The following HSD17B3 variants were observed in gnomAD, a reference collection of about 807,000 sequenced individuals.
The protein encoded by HSD17B3 is hydroxysteroid 17-beta dehydrogenase 3.
HSD17B3 carries 29 observed loss-of-function variants against 41.1 expected under a neutral mutation model. The ratio of observed to expected loss-of-function variants is 0.71; its 90% confidence interval spans 0.53 to 0.96. HSD17B3 has a LOEUF of 0.96. Ranked by LOEUF, HSD17B3 falls within the 40% of genes least tolerant of loss-of-function variation. The pLI, the probability that HSD17B3 is intolerant of heterozygous loss-of-function variation, is 0.00. For missense variants in HSD17B3, 323 were observed against 374.6 expected (o/e 0.86, Z 1.14); for synonymous variants, 126 against 145.6 (o/e 0.87, Z 0.97).
intron 2 of HSD17B3, among the ~76,000 whole-genome samples, chr9:96,257,686 T>C (rs1402586022): frequency 6.6e-6 from 1 of 152,234 alleles, no homozygotes; most frequent in African/African-American, 2.4e-5. Context: ...GAATGAGCAC[T>C]TAGGGTGTTT....
At chr9:96,242,302 G>C (rs560575654) in intron 9 of HSD17B3, among the ~76,000 whole-genome samples, 1 of 152,268 alleles carries the variant, frequency 6.6e-6, no homozygotes, top group East Asian at 1.9e-4. Flanking sequence ...AAGTGATTTT[G>C]GGTTGACAAA....
Position 96,245,399 on chromosome 9 carries a change from A to C in HSD17B3, c.552T>G (p.Ser184=). Residue 184 remains serine (S), a synonymous_variant, in exon 8 of 11, where the codon TCT becomes TCG. Transcript: ENST00000375263. ...GCCAAGGAAACAGGGCTATCCCAGA[A>C]GAAATGTTCAGGATGAGACCTTTCT... The part of the protein sequence containing the change: ...SRQKGLILNI[S]SGIALFPWPL... 6.2e-7 allele frequency: 1 copy of C among 1,614,162 alleles called. No individual in the cohort carries two copies. Among genetic ancestry groups the C allele is most frequent in the Non-Finnish European group, 8.5e-7 (1 of 1,179,988 alleles).
chr9:96,296,990 G>A (rs1235804067), intron 2 of HSD17B3, among the ~76,000 whole-genome samples: 2 of 151,082 alleles, frequency 1.3e-5, no homozygotes, highest in African/African-American at 4.9e-5. Context: ...AGCAGTGTTT[G>A]TACCACTGCA....
intron 5 of HSD17B3, 149 bp downstream of exon 5, chr9:96,251,269 G>A: frequency 1.5e-6 from 1 of 663,596 alleles, no homozygotes; most frequent in South Asian, 1.7e-5. Flanking sequence ...GTGCTAAGGT[G>A]AAGAGGAAAG....
intron 2 of HSD17B3, among the ~76,000 whole-genome samples, chr9:96,285,474 T>C (rs1219002691): frequency 6.6e-6 from 1 of 152,178 alleles, no homozygotes; most frequent in Admixed American, 6.5e-5. Context: ...CTGGGAACAT[T>C]GGAATCAGCT....
At chr9:96,281,119 C>A (rs1278619093) in intron 2 of HSD17B3, among the ~76,000 whole-genome samples, 3 of 152,154 alleles carry the variant, frequency 2.0e-5, no homozygotes, top group Non-Finnish European at 4.4e-5. Flanking sequence ...ACCCAAGAAC[C>A]TTCTCTTGGG....
In HSD17B3 at chr9:96,258,093, G is replaced by A. The variant is rs113905639; in HGVS notation, c.202-3150C>T. 5.3e-5 allele frequency among the ~76,000 whole-genome samples: 8 copies of A among 152,224 alleles called. 2 individuals carry two copies. Among genetic ancestry groups the A allele is most frequent in the African/African-American group, 1.9e-4 (8 of 41,530 alleles). On this transcript the variant is annotated intron_variant, in intron 2 of 10. Coordinates refer to ENST00000375263, the MANE Select transcript of HSD17B3 (RefSeq NM_000197.2). ...TAACTTATCATTTTCTTATCAATTT[G>A]TAGAAGTTGTATATATCCCAGCTAT...
At chr9:96,258,046 C>T (rs1405056813) in intron 2 of HSD17B3, among the ~76,000 whole-genome samples, 1 of 152,142 alleles carries the variant, frequency 6.6e-6, no homozygotes, top group Non-Finnish European at 1.5e-5. Context: ...AGTACATACC[C>T]CTTGCCCATT....
At chr9:96,275,164 C>T (rs754893312) in intron 2 of HSD17B3, among the ~76,000 whole-genome samples, 10 of 151,814 alleles carry the variant, frequency 6.6e-5, no homozygotes, top group Non-Finnish European at 1.3e-4. Flanking sequence ...GGAAAGATAA[C>T]GTGTTTCCCA....
At chr9:96,299,112 C>G (rs747639240) in intron 1 of HSD17B3, among the ~76,000 whole-genome samples, 2 of 152,202 alleles carry the variant, frequency 1.3e-5, no homozygotes, top group Admixed American at 6.5e-5. Context: ...ATCAACATTA[C>G]AGACATATTT....
At chr9:96,277,326 G>A (rs924281202) in intron 2 of HSD17B3, among the ~76,000 whole-genome samples, 1 of 152,142 alleles carries the variant, frequency 6.6e-6, no homozygotes, top group African/African-American at 2.4e-5. Flanking sequence ...TCTGATAAAG[G>A]ATTGATATTC....
chr9:96,257,656 G>T (rs1022055342), intron 2 of HSD17B3, among the ~76,000 whole-genome samples: 2 of 152,058 alleles, frequency 1.3e-5, no homozygotes, highest in Non-Finnish European at 2.9e-5. Flanking sequence ...TTGCTCCATG[G>T]TATTCTAGAG....
chr9:96,300,637 G>A (rs1326450761), intron 1 of HSD17B3, among the ~76,000 whole-genome samples: 2 of 97,920 alleles, frequency 2.0e-5, no homozygotes, highest in Middle Eastern at 4.6e-3. Context: ...GTGTGTGTGT[G>A]TCCAAATTTG....
At chr9:96,268,936 G>A (rs752319201) in intron 2 of HSD17B3, among the ~76,000 whole-genome samples, 11 of 151,938 alleles carry the variant, frequency 7.2e-5, no homozygotes, top group Admixed American at 1.3e-4. Flanking sequence ...GCAACAGAGC[G>A]AAACTCCATC....
At chr9:96,274,580 C>T (rs1489364222) in intron 2 of HSD17B3, among the ~76,000 whole-genome samples, 1 of 152,086 alleles carries the variant, frequency 6.6e-6, no homozygotes, top group Non-Finnish European at 1.5e-5. Context: ...AGAAATTATG[C>T]AGCTGAAGAA....
intron 10 of HSD17B3, among the ~76,000 whole-genome samples, chr9:96,237,877 C>T (rs1265951924): frequency 6.6e-6 from 1 of 152,174 alleles, no homozygotes; most frequent in Non-Finnish European, 1.5e-5. Flanking sequence ...CACCTGTAAT[C>T]CTAGCACTTT....
At chr9:96,266,511 C>T (rs118190141) in intron 2 of HSD17B3, among the ~76,000 whole-genome samples, 2,822 of 152,192 alleles carry the variant, frequency 0.019, 36 homozygotes, top group Non-Finnish European at 0.03. Flanking sequence ...CTCAAGCTAT[C>T]CTCCTGCCGC....
Position 96,254,878 on chromosome 9 carries a change from G to T in HSD17B3, c.267C>A (p.Ala89=). The change falls in exon 3 of 11, where the codon GCC becomes GCA. Residue 89 remains alanine (A), a synonymous_variant. Transcript: ENST00000375263. ...TGGGGGGTCACTCACCGATCTCTGT[G>T]GCAATGGCCTCTAGTTTTTCCAGCG... is the stretch of plus-strand genomic sequence containing the variant. The part of the protein sequence containing the change: ...SRTLEKLEAI[A]TEIERTTGRS... 6.2e-7 allele frequency: 1 copy of T among 1,613,900 alleles called. No homozygotes were observed. Among genetic ancestry groups the T allele is most frequent in the Non-Finnish European group, 8.5e-7 (1 of 1,179,824 alleles).
intron 2 of HSD17B3, among the ~76,000 whole-genome samples, chr9:96,282,993 T>C (rs1199023483): frequency 2.3e-4 from 2 of 8,888 alleles, no homozygotes; most frequent in Admixed American, 1.3e-3. Context: ...GGTTTCTTTC[T>C]TTTTTTTTTT....
Sources: gnomAD v4.1 joint callset for allele counts (sites outside exome capture counted in the v4.1 genomes callset) on GRCh38, gnomAD v4.1.1 for gene constraint, MANE v1.5 for transcripts, NCBI Gene and HGNC (gene_info 2026-07-23, HGNC 2026-07-21) for gene names.